ADGRG6: variants seen among roughly 807,000 people sequenced by gnomAD.
ADGRG6 encodes the protein adhesion G protein-coupled receptor G6, also known as G-protein coupled receptor 126.
In ADGRG6, 84 loss-of-function variants were observed where a neutral mutation model predicts 142.4. That is an observed-to-expected ratio of 0.59 (90% CI 0.49 to 0.71). The LOEUF is 0.71. Ranked by LOEUF, ADGRG6 falls within the 30% of genes least tolerant of loss-of-function variation. The probability of loss-of-function intolerance (pLI) is 0.00; values close to 1 mark genes in which losing one functional copy is unlikely to be tolerated. For missense variants in ADGRG6, 1,367 were observed against 1,466.6 expected, an observed-to-expected ratio of 0.93 and a Z score of 1.11; for synonymous variants, 521 against 520.5, an observed-to-expected ratio of 1.00 and a Z score of -0.01.
intron 2 of ADGRG6, among the ~76,000 whole-genome samples, chr6:142,358,193 A>G (rs1308434102): frequency 3.9e-5 from 6 of 152,168 alleles, no homozygotes; most frequent in Admixed American, 2.0e-4. Context: ...AACCTGTTCC[A>G]CCCTGCAATG....
At chr6:142,341,993 T>C (rs1779680923) in intron 2 of ADGRG6, among the ~76,000 whole-genome samples, 1 of 152,062 alleles carries the variant, frequency 6.6e-6, no homozygotes, top group South Asian at 2.1e-4. Flanking sequence ...CTAGAAGGCT[T>C]GCCACTTAGG....
At chr6:142,423,866 T>C (rs1776796667) in intron 22 of ADGRG6, among the ~76,000 whole-genome samples, 1 of 141,554 alleles carries the variant, frequency 7.1e-6, no homozygotes, top group Non-Finnish European at 1.5e-5. Context: ...TTTGTAGTTC[T>C]CCTTGAAGAG....
chr6:142,376,207 A>T (rs1781489057), intron 4 of ADGRG6, among the ~76,000 whole-genome samples: 1 of 152,140 alleles, frequency 6.6e-6, no homozygotes, highest in South Asian at 2.1e-4. Flanking sequence ...CTGTGTAATG[A>T]TTCAAGTTTA....
intron 4 of ADGRG6, among the ~76,000 whole-genome samples, chr6:142,381,665 A>C (rs962577670): frequency 2.0e-5 from 3 of 152,220 alleles, no homozygotes; most frequent in African/African-American, 7.2e-5. Flanking sequence ...TTTATTATAC[A>C]AAAAGCCCTG....
intron 4 of ADGRG6, among the ~76,000 whole-genome samples, chr6:142,377,593 G>A (rs1205719031): frequency 6.6e-6 from 1 of 152,154 alleles, no homozygotes; most frequent in Non-Finnish European, 1.5e-5. Context: ...CACCTTTCTG[G>A]TAGCCTCGAA....
chr6:142,418,039 A>G (rs572939436), intron 21 of ADGRG6, among the ~76,000 whole-genome samples: 84 of 152,188 alleles, frequency 5.5e-4, no homozygotes, highest in Admixed American at 8.5e-4. Context: ...TTACACCTAT[A>G]ATCCCAGCAC....
At chr6:142,331,446 T>G (rs2114666063) in intron 2 of ADGRG6, among the ~76,000 whole-genome samples, 1 of 152,274 alleles carries the variant, frequency 6.6e-6, no homozygotes, top group South Asian at 2.1e-4. Context: ...ATTCTTCTGT[T>G]CTGTGTCTGT....
At chr6:142,343,782 T>A (rs1268210128) in intron 2 of ADGRG6, among the ~76,000 whole-genome samples, 1 of 151,964 alleles carries the variant, frequency 6.6e-6, no homozygotes, top group African/African-American at 2.4e-5. Context: ...TTCAATCACT[T>A]ATTTCAACAT....
At chr6:142,303,275 T>G (rs749061137) in intron 1 of ADGRG6, among the ~76,000 whole-genome samples, 3 of 152,206 alleles carry the variant, frequency 2.0e-5, no homozygotes, top group Non-Finnish European at 4.4e-5. Context: ...CCCCAACTCC[T>G]GGATCTTACA....
intron 10 of ADGRG6, among the ~76,000 whole-genome samples, chr6:142,398,261 G>A (rs912802136): frequency 1.3e-5 from 2 of 152,064 alleles, no homozygotes; most frequent in Non-Finnish European, 2.9e-5. Flanking sequence ...CTGTCTCTAC[G>A]AAAGATTAAG....
At position 142,383,209 on chromosome 6, in the gene ADGRG6, A is replaced by T. The variant is rs188559569; in HGVS notation, c.1139-551A>T. Among the ~76,000 whole-genome samples the T allele has an allele frequency of 3.2e-4, 49 of 152,312 alleles. No individual in the cohort carries two copies. In the South Asian group the frequency reaches 5.2e-3, roughly 16 times the overall value. ...AAATACTTTTTATCCATCAATGTTT[A>T]GTAAACTTTTTGGAATCTTTAAATG... On this transcript the variant is annotated intron_variant, in intron 5 of 24. Transcript: ENST00000367609.
At chr6:142,313,127 C>T (rs770866737) in intron 2 of ADGRG6, among the ~76,000 whole-genome samples, 6 of 151,682 alleles carry the variant, frequency 4.0e-5, no homozygotes, top group Non-Finnish European at 7.4e-5. Context: ...CTTCTTACAA[C>T]GATCAGGTAT....
chr6:142,440,653 C>T (rs1370192868), intron 24 of ADGRG6, among the ~76,000 whole-genome samples: 8 of 152,060 alleles, frequency 5.3e-5, no homozygotes, highest in Non-Finnish European at 8.8e-5. Context: ...ACAAAAAACC[C>T]TTGGGGCTAA....
chr6:142,337,115 A>T (rs1000168442), intron 2 of ADGRG6, among the ~76,000 whole-genome samples: 1 of 152,302 alleles, frequency 6.6e-6, no homozygotes, highest in South Asian at 2.1e-4. Context: ...TACTCCATCT[A>T]ATTTTTACCT....
intron 6 of ADGRG6, among the ~76,000 whole-genome samples, chr6:142,387,061 T>C (rs1782064480): frequency 6.6e-6 from 1 of 152,190 alleles, no homozygotes; most frequent in Non-Finnish European, 1.5e-5. Flanking sequence ...TGAAATGATG[T>C]TACTCAAGGA....
chr6:142,338,590 C>T (rs938984771), intron 2 of ADGRG6, among the ~76,000 whole-genome samples: 22 of 151,382 alleles, frequency 1.5e-4, no homozygotes, highest in Non-Finnish European at 2.9e-4. Context: ...TTATTAAATT[C>T]GTTTTAGCTA....
At chr6:142,386,902 G>C (rs1006764969) in intron 6 of ADGRG6, among the ~76,000 whole-genome samples, 1 of 152,090 alleles carries the variant, frequency 6.6e-6, no homozygotes, top group Non-Finnish European at 1.5e-5. Flanking sequence ...TGAATCCAAG[G>C]TACACAGCTT....
At chr6:142,351,858 C>T (rs1211099578) in intron 2 of ADGRG6, among the ~76,000 whole-genome samples, 1 of 151,990 alleles carries the variant, frequency 6.6e-6, no homozygotes, top group Non-Finnish European at 1.5e-5. Flanking sequence ...AAAAAACAAC[C>T]CCGTTATTAC....
rs924988332 is a variant in ADGRG6, at chr6:142,381,858, AG to A, written c.1070-90del. ...CAAAGAATTACTGGTGGACTCTTCT[AG>A]GGCTGCTTCTATTACATCAACCGTA... On this transcript the variant is annotated intron_variant, in intron 4 of 24. Transcript: ENST00000367609. The A allele has an allele frequency of 1.3e-5, 10 of 760,504 alleles. No homozygotes were observed. In the Admixed American group the frequency reaches 2.0e-4, roughly 15 times the overall value. 47.1% of individuals were successfully genotyped at this position (760,504 alleles called of 1,614,324 possible).
Sources: gnomAD v4.1 joint callset for allele counts (sites outside exome capture counted in the v4.1 genomes callset) on GRCh38, gnomAD v4.1.1 for gene constraint, MANE v1.5 for transcripts, NCBI Gene and HGNC (gene_info 2026-07-23, HGNC 2026-07-21) for gene names.